VWF: variants seen among roughly 807,000 people sequenced by gnomAD.
The protein encoded by VWF is von Willebrand factor, also known as Factor VIII related antigen.
In VWF, 176 loss-of-function variants were observed where a neutral mutation model predicts 308.6. That is an observed-to-expected ratio of 0.57 (90% CI 0.50 to 0.65). The LOEUF is 0.65. Ranked by LOEUF, VWF falls within the 30% of genes least tolerant of loss-of-function variation. The probability of loss-of-function intolerance (pLI) is 0.00; values close to 1 mark genes in which losing one functional copy is unlikely to be tolerated. For missense variants in VWF, 3,146 were observed against 3,648.2 expected (o/e 0.86, Z 3.55); for synonymous variants, 1,385 against 1,443.4 (o/e 0.96, Z 0.92).
chr12:6,044,389 G>T lies in VWF; in HGVS notation c.2344C>A (p.Arg782=), dbSNP rs61748471. The change falls in exon 18 of 52, where the codon CGG becomes AGG. Residue 782 remains arginine (R), a synonymous_variant. Coordinates refer to ENST00000261405, the MANE Select transcript of VWF (RefSeq NM_000552.5). ...VKLVCPADNL[R]AEGLECTKTC... Reference sequence around the variant, plus strand: ...TTGGTACACTCGAGCCCTTCAGCCCGCAGGTTGTCAGCGGGACACACCAGC... The same window carrying T: ...TTGGTACACTCGAGCCCTTCAGCCCTCAGGTTGTCAGCGGGACACACCAGC... 6.2e-7 allele frequency: 1 copy of T among 1,614,190 alleles called. No individual in the cohort carries two copies. Among genetic ancestry groups the T allele is most frequent in the Non-Finnish European group, 8.5e-7 (1 of 1,180,034 alleles).
At chr12:6,080,477 G>A (rs973020858) in intron 6 of VWF, among the ~76,000 whole-genome samples, 1 of 152,220 alleles carries the variant, frequency 6.6e-6, no homozygotes, top group Admixed American at 6.5e-5. Flanking sequence ...AGACATCAGG[G>A]AAGGCTGCCT....
intron 41 of VWF, among the ~76,000 whole-genome samples, chr12:5,982,377 G>C (rs957188275): frequency 2.6e-5 from 4 of 152,154 alleles, no homozygotes; most frequent in African/African-American, 9.7e-5. Flanking sequence ...TATGCCAGGA[G>C]CTTCTGTGAT....
intron 38 of VWF, among the ~76,000 whole-genome samples, chr12:5,991,193 ACACACACACACACGCATG>A (rs1043429317): frequency 6.5e-5 from 9 of 137,950 alleles, no homozygotes; most frequent in African/African-American, 2.3e-4. Context: ...ACACACACAC[ACACACACACACACGCATG>A]CACACACACG....
chr12:5,953,724 T>A (rs768819377), intron 47 of VWF, 130 bp from the exon 48 acceptor site: 7 of 739,416 alleles, frequency 9.5e-6, no homozygotes, highest in Non-Finnish European at 1.7e-5. Flanking sequence ...AAAGTCAACA[T>A]CCAACTCCAA....
chr12:6,034,715 G>A lies in VWF; in HGVS notation c.2658C>T (p.Pro886=), dbSNP rs1252739393. 15 of 1,613,892 alleles carry A rather than the reference G, an allele frequency of 9.3e-6. No homozygotes were observed. Among genetic ancestry groups the A allele is most frequent in the Admixed American group, 3.3e-5 (2 of 60,002 alleles). ...GCACCAGAACGTACTGGCACTCCCC[G>A]GGGAACAGGTATTTGAGCCCGTCGA... The part of the protein sequence containing the change: ...LTFDGLKYLF[P]GECQYVLVQD... Residue 886 remains proline (P), a synonymous_variant, in exon 20 of 52, where the codon CCC becomes CCT. Transcript: ENST00000261405.
intron 34 of VWF, among the ~76,000 whole-genome samples, chr12:6,001,785 T>C (rs1943876022): frequency 2.0e-5 from 3 of 152,186 alleles, no homozygotes; most frequent in South Asian, 2.1e-4. Context: ...GATCTCATAC[T>C]CTACACCCTG....
intron 25 of VWF, among the ~76,000 whole-genome samples, 165 bp from the exon 26 acceptor site, chr12:6,023,063 G>GA (rs1352136114): frequency 6.6e-6 from 1 of 151,222 alleles, no homozygotes; most frequent in Non-Finnish European, 1.5e-5. Context: ...ACCTAAACCA[G>GA]AATCTATTGG....
chr12:6,113,320 CAG>C (rs750340332), intron 3 of VWF, among the ~76,000 whole-genome samples: 51 of 139,404 alleles, frequency 3.7e-4, no homozygotes, highest in Non-Finnish European at 6.1e-4. Context: ...TTTTTTGAGA[CAG>C]AGTCTCGCTC....
intron 6 of VWF, among the ~76,000 whole-genome samples, chr12:6,090,694 C>T (rs1219434106): frequency 2.6e-5 from 4 of 152,094 alleles, no homozygotes; most frequent in Non-Finnish European, 5.9e-5. Context: ...CTGGGCTAAA[C>T]TCTATACATA....
intron 6 of VWF, among the ~76,000 whole-genome samples, chr12:6,086,242 G>A (rs572726718): frequency 6.6e-6 from 1 of 152,206 alleles, no homozygotes; most frequent in Non-Finnish European, 1.5e-5. Context: ...TAAAGCACTT[G>A]AAATAAGTCC....
intron 39 of VWF, 21 bp from the exon 40 acceptor site, chr12:5,985,140 CA>C: frequency 6.2e-7 from 1 of 1,613,214 alleles, no homozygotes; most frequent in Non-Finnish European, 8.5e-7. Flanking sequence ...GGAACGGCCA[CA>C]AAAGTCAGAG....
intron 42 of VWF, among the ~76,000 whole-genome samples, chr12:5,980,925 A>C (rs921525860): frequency 6.7e-6 from 1 of 149,572 alleles, no homozygotes; most frequent in Non-Finnish European, 1.5e-5. Context: ...TCACTTTCCC[A>C]CTCCATCAAT....
intron 19 of VWF, among the ~76,000 whole-genome samples, chr12:6,035,136 T>C (rs1944321352): frequency 6.6e-6 from 1 of 152,160 alleles, no homozygotes; most frequent in East Asian, 1.9e-4. Flanking sequence ...CCTCCTGTTA[T>C]GAATTCGCTC....
At position 5,949,093 on chromosome 12, in the gene VWF, G is replaced by A; in HGVS notation, c.8364C>T (p.Cys2788=). 1 of 1,614,266 alleles carries A rather than the reference G, an allele frequency of 6.2e-7. No individual in the cohort carries two copies. The highest frequency in any genetic ancestry group is 2.2e-5 in the East Asian group (1 of 44,886). The change falls in exon 52 of 52, where the codon TGC becomes TGT. Residue 2788 remains cysteine, a synonymous_variant. Transcript: ENST00000261405. The part of the protein sequence containing the change: ...RTEPMQVALH[C]TNGSVVYHEV... ...CATGGTACACAACAGAGCCATTGGT[G>A]CAGTGCAGGGCCACCTGCATGGGCT... is the stretch of plus-strand genomic sequence containing the variant.
intron 10 of VWF, among the ~76,000 whole-genome samples, chr12:6,070,865 T>C (rs904536058): frequency 9.2e-5 from 14 of 152,202 alleles, no homozygotes; most frequent in Non-Finnish European, 1.8e-4. Context: ...CACGCCATGG[T>C]CTTCATATTA....
chr12:5,953,523 T>C lies in VWF; in HGVS notation c.7959A>G (p.Leu2653=). ...RCLPTACTIQ[L]RGGQIMTLKR... ...TCAGTGTCATGATCTGTCCTCCTCT[T>C]AGCTGAATGGTGCAAGCCGTAGGCA... Residue 2653 remains leucine, a synonymous_variant, in exon 48 of 52, where the codon CTA becomes CTG. Coordinates refer to ENST00000261405, the MANE Select transcript of VWF (RefSeq NM_000552.5). 1 of 1,614,162 alleles carries C rather than the reference T, an allele frequency of 6.2e-7. No homozygotes were observed. Among genetic ancestry groups the C allele is most frequent in the Non-Finnish European group, 8.5e-7 (1 of 1,180,014 alleles).
chr12:5,976,014 T>C, intron 43 of VWF, 97 bp downstream of exon 43: 1 of 1,178,424 alleles, frequency 8.5e-7, no homozygotes, highest in Non-Finnish European at 1.2e-6. Flanking sequence ...AGTCTCCATT[T>C]CAAAAAAAAA....
intron 6 of VWF, among the ~76,000 whole-genome samples, chr12:6,083,234 T>C (rs1440737372): frequency 8.5e-6 from 1 of 117,146 alleles, no homozygotes; most frequent in Non-Finnish European, 1.9e-5. Flanking sequence ...AAGGGTAGTC[T>C]CAAACTTCTG....
rs61750088 is a variant in VWF, at chr12:6,019,040, G to A, written c.4378C>T (p.Leu1460Phe). ...GTAGGAGGAGGGGCTTCAGGGGCAAGGTCACAGAGGTAGCTAACGATCTCG... is the reference window on the plus strand; with the variant it reads ...GTAGGAGGAGGGGCTTCAGGGGCAAAGTCACAGAGGTAGCTAACGATCTCG... ...RDEIVSYLCD[L>F]APEAPPPTLP... Residue 1460 changes from leucine (L) to phenylalanine (F), a missense_variant, in exon 28 of 52, where the codon CTT (leucine) becomes TTT (phenylalanine). Leu to Phe is a conservative substitution (Grantham distance 22). This residue lies in a region of VWF where 853 missense variants were observed against 1,177.8 expected (regional missense o/e 0.72). Coordinates refer to ENST00000261405, the MANE Select transcript of VWF (RefSeq NM_000552.5). This position sits in a 1 kb window ranked among gnomAD's most constrained non-coding sequence, Gnocchi z 5.8. The A allele has an allele frequency of 7.3e-5, 118 of 1,613,936 alleles. No individual in the cohort carries two copies. The highest frequency in any genetic ancestry group is 9.9e-5 in the Non-Finnish European group (117 of 1,179,860).
Sources: gnomAD v4.1 joint callset for allele counts (sites outside exome capture counted in the v4.1 genomes callset) on GRCh38, gnomAD v4.1.1 for gene constraint, gnomAD v4.1.1 regional missense constraint, Gnocchi (gnomAD v3.1) non-coding constraint, MANE v1.5 for transcripts, NCBI Gene and HGNC (gene_info 2026-07-23, HGNC 2026-07-21) for gene names.